Variants in CFAP299 observed in about 807,000 individuals in gnomAD.
CFAP299 encodes cilia and flagella associated protein 299.
Under a neutral mutation model 27.0 loss-of-function variants are expected in CFAP299, and 21 were observed. That is an observed-to-expected ratio of 0.78 (90% CI 0.55 to 1.12). The LOEUF (loss-of-function observed/expected upper bound fraction) is 1.12. Among genes scored for constraint, CFAP299 ranks in the 50% most tolerant of loss-of-function variants. The pLI is 0.00. For synonymous variants in CFAP299, 104 were observed against 98.1 expected (o/e 1.06, Z -0.36); for missense variants, 310 against 276.6 (o/e 1.12, Z -0.86).
chr4:80,744,361 C>T (rs1392309099), intron 3 of CFAP299, among the ~76,000 whole-genome samples: 2 of 149,692 alleles, frequency 1.3e-5, no homozygotes, highest in Admixed American at 6.7e-5. Context: ...CTCCTCCAAA[C>T]CTGATCAGCC....
At chr4:80,445,171 T>G (rs1164460903) in intron 2 of CFAP299, among the ~76,000 whole-genome samples, 1 of 152,234 alleles carries the variant, frequency 6.6e-6, no homozygotes, top group African/African-American at 2.4e-5. Context: ...ATCCCATTAC[T>G]GGGTGTATAC....
intron 2 of CFAP299, among the ~76,000 whole-genome samples, chr4:80,507,017 GA>G (rs1732070039): frequency 6.6e-6 from 1 of 152,066 alleles, no homozygotes; most frequent in African/African-American, 2.4e-5. Flanking sequence ...TTTTAATAGA[GA>G]AGTGAATTTA....
chr4:80,423,578 C>A (rs1360611341), intron 2 of CFAP299, among the ~76,000 whole-genome samples: 2 of 152,158 alleles, frequency 1.3e-5, no homozygotes, highest in Non-Finnish European at 2.9e-5. Context: ...CTCTCTGACC[C>A]CCTATTCCAT....
At chr4:80,705,010 G>A (rs997268676) in intron 3 of CFAP299, among the ~76,000 whole-genome samples, 26 of 151,764 alleles carry the variant, frequency 1.7e-4, no homozygotes, top group Non-Finnish European at 7.4e-5. Context: ...ATAGGATAAA[G>A]TAGAAACTGC....
At chr4:80,367,693 C>T (rs1001441374) in intron 2 of CFAP299, among the ~76,000 whole-genome samples, 1 of 151,634 alleles carries the variant, frequency 6.6e-6, no homozygotes, top group Non-Finnish European at 1.5e-5. Context: ...GATTTCTTCT[C>T]CACTGAGATT....
intron 2 of CFAP299, among the ~76,000 whole-genome samples, chr4:80,545,489 C>T (rs896673778): frequency 3.3e-5 from 5 of 151,962 alleles, no homozygotes; most frequent in Non-Finnish European, 5.9e-5. Context: ...CTTACAAATT[C>T]GAAAACCTAG....
intron 2 of CFAP299, among the ~76,000 whole-genome samples, chr4:80,525,328 G>A (rs1733117666): frequency 6.6e-6 from 1 of 152,088 alleles, no homozygotes; most frequent in Non-Finnish European, 1.5e-5. Context: ...ATTCCATCAT[G>A]CAACGCCTGT....
intron 2 of CFAP299, among the ~76,000 whole-genome samples, chr4:80,423,294 A>T (rs973938626): frequency 6.6e-6 from 1 of 152,224 alleles, no homozygotes; most frequent in African/African-American, 2.4e-5. Context: ...TTATTTTAAG[A>T]TGTATTTTAG....
At chr4:80,707,361 C>A (rs533565437) in intron 3 of CFAP299, among the ~76,000 whole-genome samples, 1 of 151,816 alleles carries the variant, frequency 6.6e-6, no homozygotes, top group African/African-American at 2.4e-5. Flanking sequence ...TTTCAGTGTC[C>A]ATAAATAAAG....
In CFAP299 at chr4:80,583,138, G is replaced by A. The variant is rs1486020; in HGVS notation, c.288G>A (p.Thr96=). The part of the protein sequence containing the change: ...AGKDLQDNFL[T]ALAMREEDNR... ...AAGACCTACAAGATAATTTTCTGAC[G>A]GCCCTGGCAATGAGAGAAGAAGACA... The change falls in exon 3 of 6, where the codon ACG becomes ACA. Residue 96 remains threonine, a synonymous_variant. Transcript: ENST00000358105. 15,188 of 1,605,184 alleles carry A rather than the reference G, an allele frequency of 9.5e-3. 843 individuals carry two copies. In the African/African-American group the frequency reaches 0.14, roughly 15 times the overall value.
chr4:80,572,675 G>A (rs1372615985), intron 2 of CFAP299, among the ~76,000 whole-genome samples: 1 of 151,370 alleles, frequency 6.6e-6, no homozygotes. Flanking sequence ...GCGTCACCAC[G>A]CTTGGCTAAT....
At chr4:80,440,306 C>T (rs998675680) in intron 2 of CFAP299, among the ~76,000 whole-genome samples, 6 of 128,046 alleles carry the variant, frequency 4.7e-5, no homozygotes, top group Admixed American at 3.4e-4. Context: ...AGGAGAGCTC[C>T]GGCTGGCATC....
chr4:80,672,626 TC>T (rs1741561670), intron 3 of CFAP299, among the ~76,000 whole-genome samples: 1 of 152,204 alleles, frequency 6.6e-6, no homozygotes, highest in African/African-American at 2.4e-5. Flanking sequence ...TGTGAATCCA[TC>T]TGGTCTTGGA....
intron 3 of CFAP299, among the ~76,000 whole-genome samples, chr4:80,594,904 A>G (rs769692172): frequency 3.3e-5 from 5 of 152,084 alleles, no homozygotes; most frequent in Admixed American, 6.5e-5. Flanking sequence ...GTAATCACTG[A>G]TAGGTTTTGC....
chr4:80,709,710 C>T (rs1205095895), intron 3 of CFAP299, among the ~76,000 whole-genome samples: 2 of 152,106 alleles, frequency 1.3e-5, no homozygotes, highest in South Asian at 2.1e-4. Flanking sequence ...TAAGTCAACA[C>T]CTTGCATAGG....
chr4:80,753,570 A>G (rs978215072), intron 3 of CFAP299, among the ~76,000 whole-genome samples: 2 of 152,040 alleles, frequency 1.3e-5, no homozygotes, highest in Admixed American at 6.6e-5. Flanking sequence ...TATTTCTTCA[A>G]ATATTTCTAC....
chr4:80,616,260 T>C (rs1028731666), intron 3 of CFAP299, among the ~76,000 whole-genome samples: 1 of 152,092 alleles, frequency 6.6e-6, no homozygotes, highest in Admixed American at 6.6e-5. Flanking sequence ...CTCCAAAATA[T>C]GCAAAATAGA....
At chr4:80,417,941 A>G (rs1046589386) in intron 2 of CFAP299, among the ~76,000 whole-genome samples, 2 of 152,194 alleles carry the variant, frequency 1.3e-5, no homozygotes, top group African/African-American at 4.8e-5. Context: ...AAGCAGACAC[A>G]GCCTTCAGCA....
intron 3 of CFAP299, among the ~76,000 whole-genome samples, chr4:80,598,108 A>G (rs1737149383): frequency 6.6e-6 from 1 of 152,232 alleles, no homozygotes; most frequent in Non-Finnish European, 1.5e-5. Flanking sequence ...TCTGAGTTGA[A>G]GTTAAAAGTT....
Sources: allele counts gnomAD v4.1 joint callset (sites outside exome capture counted in the v4.1 genomes callset), GRCh38; gene constraint gnomAD v4.1.1; transcripts MANE v1.5; gene names NCBI Gene and HGNC (gene_info 2026-07-23, HGNC 2026-07-21).